HLA-F: variants seen among roughly 807,000 people sequenced by gnomAD.
HLA-F encodes major histocompatibility complex, class I, F.
HLA-F carries 46 observed loss-of-function variants against 49.5 expected under a neutral mutation model. The ratio of observed to expected loss-of-function variants is 0.93; its 90% CI spans 0.73 to 1.19. The LOEUF (loss-of-function observed/expected upper bound fraction) is 1.19. Among genes scored for constraint, HLA-F ranks in the 50% most tolerant of loss-of-function variants. The pLI, the probability that HLA-F is intolerant of heterozygous loss-of-function variation, is 0.00. For synonymous variants in HLA-F, 203 were observed against 233.5 expected (o/e 0.87, Z 1.19); for missense variants, 496 against 579.6 (o/e 0.86, Z 1.48).
At chr6:29,723,969 C>A in intron 2 of HLA-F, 42 bp downstream of exon 2, 2 of 1,571,690 alleles carry the variant, frequency 1.3e-6, no homozygotes, top group East Asian at 2.4e-5. Context: ...GACCACCCCC[C>A]ATCCGCCACG....
At chr6:29,725,758 G>A (rs751656013) in intron 5 of HLA-F, among the ~76,000 whole-genome samples, 195 bp downstream of exon 5, 1 of 152,174 alleles carries the variant, frequency 6.6e-6, no homozygotes, top group Non-Finnish European at 1.5e-5. Context: ...TCTTCACTTC[G>A]ATGATTATGG....
At chr6:29,725,419 G>C (rs757618030) in intron 4 of HLA-F, 28 bp from the exon 5 acceptor site, 1 of 1,610,922 alleles carries the variant, frequency 6.2e-7, no homozygotes, top group African/African-American at 1.3e-5. Context: ...TGGAGATCAG[G>C]GCCCCTCACC....
rs1278405569 is a variant in HLA-F, at chr6:29,724,382, G to A, written c.544G>A (p.Glu182Lys). 6.2e-7 allele frequency: 1 copy of A among 1,613,244 alleles called. No homozygotes were observed. Among genetic ancestry groups the A allele is most frequent in the Non-Finnish European group, 8.5e-7 (1 of 1,180,038 alleles). The change falls in exon 3 of 7, where the codon GAG (glutamate) becomes AAG (lysine). Residue 182 changes from glutamate (E) to lysine (K), a missense_variant. Physicochemically the swap from Glu to Lys is moderately conservative, Grantham distance 56 (BLOSUM62 1). Coordinates refer to ENST00000259951, the MANE Select transcript of HLA-F (RefSeq NM_001098479.2). ...TGCAGAGGAGTTCAGGACCTACCTGGAGGGCGAGTGCCTGGAGTTGCTCCG... is the reference window on the plus strand; with the variant it reads ...TGCAGAGGAGTTCAGGACCTACCTGAAGGGCGAGTGCCTGGAGTTGCTCCG... ...EYAEEFRTYL[E>K]GECLELLRRY...
chr6:29,725,909 C>G, intron 5 of HLA-F, 102 bp from the exon 6 acceptor site: 3 of 1,317,922 alleles, frequency 2.3e-6, no homozygotes, highest in Non-Finnish European at 3.3e-6. Context: ...TACAGTTACA[C>G]TTTTCTGGAA....
chr6:29,731,802 G>C (rs1300151112), downstream of HLA-F, among the ~76,000 whole-genome samples: 1 of 142,634 alleles, frequency 7.0e-6, no homozygotes, highest in Non-Finnish European at 1.6e-5. Flanking sequence ...GATCTGGTCT[G>C]TTTCCTTACC....
Position 29,723,796 on chromosome 6 carries a change from C to T in HLA-F, c.203C>T (p.Pro68Leu), listed in dbSNP as rs754416000. ...GACGCCGCGATTCCGAGGATGGAGC[C>T]GCGGGAGCCGTGGGTGGAGCAAGAG... ...DSDAAIPRME[P>L]REPWVEQEGP... is the part of the protein sequence containing the mutation. The change falls in exon 2 of 7, where the codon CCG (proline) becomes CTG (leucine). Residue 68 changes from proline (P) to leucine (L), a missense_variant. Coordinates refer to ENST00000259951, the MANE Select transcript of HLA-F (RefSeq NM_001098479.2). 3.7e-6 allele frequency: 6 copies of T among 1,607,086 alleles called. No homozygotes were observed. The highest frequency in any genetic ancestry group is 2.7e-5 in the African/African-American group (2 of 74,768).
intron 6 of HLA-F, 95 bp from the exon 7 acceptor site, chr6:29,726,788 C>T: frequency 2.1e-6 from 3 of 1,422,250 alleles, no homozygotes; most frequent in Non-Finnish European, 2.9e-6. Flanking sequence ...ACATCAATGT[C>T]ACAAACTTCT....
chr6:29,734,175 T>C lies in HLA-F; in HGVS notation c.404-3947T>C, dbSNP rs374550526. On this transcript the variant is annotated intron_variant, in intron 3 of 4. Transcript: ENST00000465459. ...GGATGGGCCAAGGTAATAATCCAGC[T>C]CCTTCCTTCAGCTGGGGGAGGCAGA... Among the ~76,000 whole-genome samples the C allele has an allele frequency of 2.0e-5, 3 of 152,290 alleles. No individual in the cohort carries two copies. The East Asian group carries it at 5.8e-4, about 29-fold the overall frequency.
At chr6:29,731,227 GGATACATAGATAGATA>G (rs70983994), downstream of HLA-F, among the ~76,000 whole-genome samples, 11,226 of 131,286 alleles carry the variant, frequency 0.086, 581 homozygotes, top group Non-Finnish European at 0.11. Context: ...TAGAGTAGAT[GGATACATAGATAGATA>G]GATAGATAGA....
chr6:29,723,579 C>G, intron 1 of HLA-F, 52 bp downstream of exon 1: 1 of 1,597,920 alleles, frequency 6.3e-7, no homozygotes, highest in Non-Finnish European at 8.5e-7. Flanking sequence ...AGTGAGGGGC[C>G]CGCCCGGTGG....
chr6:29,730,494 T>C (rs1241407306), downstream of HLA-F, among the ~76,000 whole-genome samples: 1 of 152,188 alleles, frequency 6.6e-6, no homozygotes, highest in Non-Finnish European at 1.5e-5. Flanking sequence ...ATTGTAAATG[T>C]GCTTTAGGCC....
intron 2 of HLA-F, 58 bp from the exon 3 acceptor site, chr6:29,724,115 G>C (rs1775704555): frequency 6.3e-7 from 1 of 1,596,936 alleles, no homozygotes; most frequent in Non-Finnish European, 8.5e-7. Context: ...AATCCCCGCG[G>C]GTTGGGCGGG....
rs372548621 is a variant in HLA-F, at chr6:29,726,381, T to C, written c.1036+338T>C. Reference sequence around the variant, plus strand: ...TCTCACTGTGACTGATACGAATTTGTTCATGAATATTTTCTCTATAGTGTG... The same window carrying C: ...TCTCACTGTGACTGATACGAATTTGCTCATGAATATTTTCTCTATAGTGTG... On this transcript the variant is annotated intron_variant, in intron 6 of 6. Coordinates refer to ENST00000259951, the MANE Select transcript of HLA-F (RefSeq NM_001098479.2). 90 of 1,611,166 alleles carry C rather than the reference T, an allele frequency of 5.6e-5. No individual in the cohort carries two copies. The South Asian group carries it at 9.3e-4, about 17-fold the overall frequency.
downstream of HLA-F, among the ~76,000 whole-genome samples, chr6:29,731,232 CATAGATAGATAG>C (rs57735158): frequency 1.1e-4 from 9 of 81,590 alleles, no homozygotes; most frequent in Non-Finnish European, 2.6e-4. Context: ...TAGATGGATA[CATAGATAGATAG>C]ATAGATAGAT....
chr6:29,726,325 G>C (rs1776073415), intron 6 of HLA-F: 1 of 1,466,270 alleles, frequency 6.8e-7, no homozygotes, highest in Non-Finnish European at 9.6e-7. Context: ...TGGATGTCTT[G>C]AGCATGAAAT....
chr6:29,736,787 G>T, intron 3 of HLA-F: 1 of 163,486 alleles, frequency 6.1e-6, no homozygotes, highest in Non-Finnish European at 1.3e-5. Context: ...CAGGTGCTCA[G>T]CTTTATAAAT....
In HLA-F at chr6:29,724,444, CGCAGGTACCAGGG is replaced by C. The variant is rs965022355; in HGVS notation, c.609_610+11del. 30 of 1,612,766 alleles carry C rather than the reference CGCAGGTACCAGGG, an allele frequency of 1.9e-5. No homozygotes were observed. Among genetic ancestry groups the C allele is most frequent in the Non-Finnish European group, 2.3e-5 (27 of 1,179,772 alleles). ...AGAATGGGAAGGAGACGCTACAGCG[CGCAGGTACCAGGG>C]GCCATGGGCGCCTTCCCTATCTCCT... On this transcript the variant is annotated splice_donor_variant and splice_donor_5th_base_variant and coding_sequence_variant and intron_variant, in exon 3 of 7. Transcript: ENST00000259951. LOFTEE classifies it high-confidence loss of function.
chr6:29,732,097 T>C (rs578141468), downstream of HLA-F, among the ~76,000 whole-genome samples: 4 of 152,062 alleles, frequency 2.6e-5, no homozygotes, highest in African/African-American at 9.6e-5. Context: ...CTGGGGTACC[T>C]AGGACTACAG....
At position 29,726,040 on chromosome 6, in the gene HLA-F, G is replaced by T. The variant is rs1399316110; in HGVS notation, c.1033G>T (p.Ala345Ser). The T allele has an allele frequency of 6.2e-7, 1 of 1,613,810 alleles. No individual in the cohort carries two copies. Among genetic ancestry groups the T allele is most frequent in the African/African-American group, 1.3e-5 (1 of 74,924 alleles). The change falls in exon 6 of 7, where the codon GCA becomes TCA. Residue 345 changes from alanine (A) to serine (S), a missense_variant. Physicochemically the swap from Ala to Ser is moderately conservative, Grantham distance 99. Transcript: ENST00000259951. ...DRNRGSYSQA[A>S]AYSVVSGNLM... ...AAACAGAGGGAGCTACTCTCAGGCT[G>T]CAGGTAAGATGAAGGAGGCTGATCC...
Sources: gnomAD v4.1 joint callset for allele counts (sites outside exome capture counted in the v4.1 genomes callset) on GRCh38, gnomAD v4.1.1 for gene constraint, MANE v1.5 for transcripts, NCBI Gene and HGNC (gene_info 2026-07-23, HGNC 2026-07-21) for gene names.